MYO1D: variants seen among roughly 807,000 people sequenced by gnomAD.
MYO1D encodes unconventional myosin-Id.
MYO1D carries 83 observed loss-of-function variants against 122.0 expected under a neutral mutation model. The ratio of observed to expected loss-of-function variants is 0.68; its 90% CI spans 0.57 to 0.82. The LOEUF (loss-of-function observed/expected upper bound fraction) is 0.82, where lower values mean the gene tolerates loss of function less well. Ranked by LOEUF, MYO1D falls within the 40% of genes least tolerant of loss-of-function variation. The pLI is 0.00. For synonymous variants in MYO1D, 464 were observed against 446.9 expected, an observed-to-expected ratio of 1.04 and a Z score of -0.48; for missense variants, 1,157 against 1,269.5, an observed-to-expected ratio of 0.91 and a Z score of 1.35.
intron 1 of MYO1D, among the ~76,000 whole-genome samples, chr17:32,804,652 A>C (rs981446083): frequency 4.6e-5 from 7 of 152,016 alleles, no homozygotes; most frequent in African/African-American, 1.7e-4. Context: ...TTTCACTGCT[A>C]TCTAGTATTT....
intron 1 of MYO1D, among the ~76,000 whole-genome samples, chr17:32,803,654 C>T (rs1475323621): frequency 6.6e-6 from 1 of 152,146 alleles, no homozygotes; most frequent in Non-Finnish European, 1.5e-5. Context: ...GTTCTAACAA[C>T]ATAAATAGGC....
At chr17:32,594,090 A>T (rs1344629822) in intron 21 of MYO1D, 1 of 152,578 alleles carries the variant, frequency 6.6e-6, no homozygotes, top group African/African-American at 2.4e-5. Context: ...TAAGCTGGAG[A>T]ATTACATATA....
At chr17:32,852,072 C>CTGTCTGCCAGTGGAAGTAGAAAT in intron 1 of MYO1D, among the ~76,000 whole-genome samples, 1 of 152,200 alleles carries the variant, frequency 6.6e-6, no homozygotes, top group South Asian at 2.1e-4. Flanking sequence ...AATGTTAGAA[C>CTGTCTGCCAGTGGAAGTAGAAAT]TGTCTGCCAG....
At chr17:32,597,978 A>G (rs1046102645) in intron 21 of MYO1D, among the ~76,000 whole-genome samples, 1 of 152,114 alleles carries the variant, frequency 6.6e-6, no homozygotes, top group African/African-American at 2.4e-5. Flanking sequence ...CTTATTTGGA[A>G]ATGGTTTTAT....
At chr17:32,792,438 G>A (rs1333525126) in intron 1 of MYO1D, 3 of 150,512 alleles carry the variant, frequency 2.0e-5, no homozygotes, top group African/African-American at 7.5e-5. Context: ...TGTTCATTAG[G>A]TTACTTTCAA....
intron 16 of MYO1D, among the ~76,000 whole-genome samples, chr17:32,700,912 C>G (rs936862982): frequency 4.1e-5 from 6 of 146,900 alleles, no homozygotes; most frequent in African/African-American, 1.3e-4. Context: ...CCATTGTACT[C>G]CAGCTTGGAT....
chr17:32,667,148 C>G (rs1004213596), intron 16 of MYO1D, among the ~76,000 whole-genome samples: 7 of 152,166 alleles, frequency 4.6e-5, no homozygotes, highest in Non-Finnish European at 8.8e-5. Flanking sequence ...TATAAATATA[C>G]AAAATTTGGT....
intron 14 of MYO1D, among the ~76,000 whole-genome samples, chr17:32,726,359 G>A (rs771619227): frequency 1.1e-4 from 16 of 151,840 alleles, no homozygotes; most frequent in South Asian, 2.1e-4. Flanking sequence ...GGTGGAGGTT[G>A]CAGTGAGCTG....
intron 21 of MYO1D, among the ~76,000 whole-genome samples, chr17:32,506,628 T>G (rs186843293): frequency 4.3e-4 from 65 of 152,310 alleles, no homozygotes; most frequent in African/African-American, 1.5e-3. Context: ...CATTTAAATA[T>G]ATAAATGAGC....
intron 14 of MYO1D, among the ~76,000 whole-genome samples, chr17:32,732,058 T>C (rs2089647334): frequency 6.6e-6 from 1 of 152,208 alleles, no homozygotes; most frequent in African/African-American, 2.4e-5. Flanking sequence ...CTTGGGGCAG[T>C]GCTGATATGC....
chr17:32,874,300 G>GTC (rs1023899905), intron 1 of MYO1D, among the ~76,000 whole-genome samples: 4 of 37,540 alleles, frequency 1.1e-4, no homozygotes, highest in African/African-American at 2.2e-4. Flanking sequence ...ATCTGTCTCT[G>GTC]TCTCTCTCTC....
chr17:32,847,812 G>C (rs1341469228), intron 1 of MYO1D, among the ~76,000 whole-genome samples: 1 of 152,132 alleles, frequency 6.6e-6, no homozygotes, highest in South Asian at 2.1e-4. Flanking sequence ...ACCATGCCTA[G>C]CCAGAATAGT....
chr17:32,674,443 A>AC (rs2088774380), intron 16 of MYO1D, among the ~76,000 whole-genome samples: 1 of 152,148 alleles, frequency 6.6e-6, no homozygotes, highest in Non-Finnish European at 1.5e-5. Flanking sequence ...GACTGGTATT[A>AC]CCCCAAGAGA....
chr17:32,647,886 T>G (rs1346065808), intron 19 of MYO1D, among the ~76,000 whole-genome samples: 2 of 152,150 alleles, frequency 1.3e-5, no homozygotes, highest in African/African-American at 4.8e-5. Context: ...ATTCTAACTG[T>G]AACCAGCTGC....
At chr17:32,764,552 A>G (rs948852483) in intron 8 of MYO1D, among the ~76,000 whole-genome samples, 3 of 152,174 alleles carry the variant, frequency 2.0e-5, no homozygotes, top group Admixed American at 2.0e-4. Flanking sequence ...AATTATTGTC[A>G]ATTAAAAATA....
intron 21 of MYO1D, among the ~76,000 whole-genome samples, chr17:32,519,659 C>T (rs1050353721): frequency 2.6e-5 from 4 of 151,984 alleles, no homozygotes; most frequent in Non-Finnish European, 4.4e-5. Context: ...CAGCCCCTCC[C>T]AGCCCGCCTG....
intron 21 of MYO1D, among the ~76,000 whole-genome samples, chr17:32,515,643 G>A (rs1419150943): frequency 6.6e-6 from 1 of 152,132 alleles, no homozygotes; most frequent in Non-Finnish European, 1.5e-5. Flanking sequence ...TGGGGCTGAC[G>A]ACATAGTTCT....
At chr17:32,810,199 T>A (rs2090556906) in intron 1 of MYO1D, among the ~76,000 whole-genome samples, 1 of 151,908 alleles carries the variant, frequency 6.6e-6, no homozygotes. Flanking sequence ...GTGAGGAAGC[T>A]GCAGAGAAGA....
intron 21 of MYO1D, chr17:32,510,377 A>G (rs1011393656): frequency 7.9e-5 from 12 of 152,100 alleles, no homozygotes; most frequent in African/African-American, 2.7e-4. Flanking sequence ...CACTTTCACC[A>G]CTTGTAAGTT....
Sources: gnomAD v4.1 joint callset for allele counts (sites outside exome capture counted in the v4.1 genomes callset) on GRCh38, gnomAD v4.1.1 for gene constraint, MANE v1.5 for transcripts, NCBI Gene and HGNC (gene_info 2026-07-23, HGNC 2026-07-21) for gene names.